The following APOBEC1 variants were observed in gnomAD, a reference collection of about 807,000 sequenced individuals.
The protein encoded by APOBEC1 is C->U-editing enzyme APOBEC-1.
In APOBEC1, 22 loss-of-function variants were observed where a neutral mutation model predicts 26.3. The ratio of observed to expected loss-of-function variants is 0.84; its 90% CI spans 0.60 to 1.19. APOBEC1 has a LOEUF of 1.19. Ranked by LOEUF, APOBEC1 falls within the 50% of genes most tolerant of loss-of-function variation. The pLI is 0.00. For synonymous variants in APOBEC1, 77 were observed against 95.3 expected, an observed-to-expected ratio of 0.81 and a Z score of 1.12; for missense variants, 253 against 289.0, an observed-to-expected ratio of 0.88 and a Z score of 0.90.
upstream of APOBEC1, among the ~76,000 whole-genome samples, chr12:7,668,778 G>T (rs1210663006): frequency 6.6e-6 from 1 of 151,930 alleles, no homozygotes; most frequent in South Asian, 2.1e-4. Context: ...GCCCAGGCTG[G>T]AGTGCAGTGG....
At chr12:7,661,677 C>G (rs1256001269) in intron 1 of APOBEC1, among the ~76,000 whole-genome samples, 1 of 152,182 alleles carries the variant, frequency 6.6e-6, no homozygotes, top group Non-Finnish European at 1.5e-5. Flanking sequence ...CAGGCTCCAA[C>G]TGGAGCCAAG....
Position 7,652,648 on chromosome 12 carries a change from G to A in APOBEC1, c.232C>T (p.Pro78Ser). The A allele has an allele frequency of 6.2e-7, 1 of 1,614,102 alleles. No homozygotes were observed. The highest frequency in any genetic ancestry group is 1.1e-5 in the South Asian group (1 of 91,074). ...CAGGTGATGGAGCAGCTCATGGATG[G>A]GTGAAAATCTCTTTCTGACGTAAAT... ...KKFTSERDFH[P>S]SMSCSITWFL... Residue 78 changes from proline to serine, a missense_variant, in exon 3 of 5, where the codon CCA becomes TCA. Pro to Ser is a moderately conservative substitution (Grantham distance 74). Coordinates refer to ENST00000229304, the MANE Select transcript of APOBEC1 (RefSeq NM_001644.5).
chr12:7,650,017 A>G (rs1436301210), intron 4 of APOBEC1, among the ~76,000 whole-genome samples: 2 of 152,018 alleles, frequency 1.3e-5, no homozygotes, highest in African/African-American at 4.8e-5. Context: ...TGGTTTCGCC[A>G]TGTTGCCCAG....
intron 4 of APOBEC1, among the ~76,000 whole-genome samples, chr12:7,650,354 T>A (rs1470823571): frequency 6.6e-6 from 1 of 152,140 alleles, no homozygotes; most frequent in African/African-American, 2.4e-5. Context: ...AGGCTGTGGG[T>A]TGCTGTGATG....
intron 4 of APOBEC1, among the ~76,000 whole-genome samples, chr12:7,650,070 G>A (rs1343044226): frequency 1.3e-5 from 2 of 152,054 alleles, no homozygotes; most frequent in Admixed American, 6.6e-5. Context: ...ACTCCCCTCT[G>A]CCTCCCAAAG....
chr12:7,652,481 G>A lies in APOBEC1; in HGVS notation c.399C>T (p.Asp133=), dbSNP rs1592057160. ...MDQQNRQGLR[D]LVNSGVTIQI... Reference sequence around the variant, plus strand: ...GAATAGTTACTCCACTGTTAACAAGGTCCCTGAGACCTTGCCGATTTTGTT... The same window carrying A: ...GAATAGTTACTCCACTGTTAACAAGATCCCTGAGACCTTGCCGATTTTGTT... The change falls in exon 3 of 5, where the codon GAC becomes GAT. Residue 133 remains aspartate, a synonymous_variant. Coordinates refer to ENST00000229304, the MANE Select transcript of APOBEC1 (RefSeq NM_001644.5). The A allele has an allele frequency of 6.8e-6, 11 of 1,613,870 alleles. No individual in the cohort carries two copies. The East Asian group carries it at 2.5e-4, about 36-fold the overall frequency.
At chr12:7,667,191 C>G (rs527732026), upstream of APOBEC1, among the ~76,000 whole-genome samples, 1 of 152,092 alleles carries the variant, frequency 6.6e-6, no homozygotes, top group African/African-American at 2.4e-5. Flanking sequence ...GGATTACAGG[C>G]GTGAGCCACC....
At chr12:7,666,815 G>A (rs1425711503), upstream of APOBEC1, among the ~76,000 whole-genome samples, 1 of 151,988 alleles carries the variant, frequency 6.6e-6, no homozygotes, top group Non-Finnish European at 1.5e-5. Flanking sequence ...AAATGAGAAG[G>A]ACCTTGGCCT....
chr12:7,652,644 G>A lies in APOBEC1; in HGVS notation c.236C>T (p.Ser79Phe), dbSNP rs1031583159. ...KFTSERDFHP[S>F]MSCSITWFLS... ...GAACCAGGTGATGGAGCAGCTCATG[G>A]ATGGGTGAAAATCTCTTTCTGACGT... Residue 79 changes from serine (S) to phenylalanine (F), a missense_variant, in exon 3 of 5, where the codon TCC (serine) becomes TTC (phenylalanine). Physicochemically the swap from Ser to Phe is radical, Grantham distance 155. Transcript: ENST00000229304. 3 of 1,614,020 alleles carry A rather than the reference G, an allele frequency of 1.9e-6. No homozygotes were observed. Among genetic ancestry groups the A allele is most frequent in the African/African-American group, 2.7e-5 (2 of 74,932 alleles).
At chr12:7,668,049 A>C (rs1183702128), upstream of APOBEC1, among the ~76,000 whole-genome samples, 1 of 152,184 alleles carries the variant, frequency 6.6e-6, no homozygotes, top group Non-Finnish European at 1.5e-5. Context: ...TGAGATGAGA[A>C]GACAATCCTG....
intron 1 of APOBEC1, 150 bp downstream of exon 1, chr12:7,665,707 A>G: frequency 1.3e-6 from 1 of 793,200 alleles, no homozygotes; most frequent in Admixed American, 1.9e-5. Flanking sequence ...ATATTAATCA[A>G]TAATAGGGAA....
intron 1 of APOBEC1, among the ~76,000 whole-genome samples, chr12:7,656,136 C>T (rs1863711967): frequency 6.6e-6 from 1 of 151,584 alleles, no homozygotes; most frequent in Admixed American, 6.6e-5. Flanking sequence ...CATGCCTAGG[C>T]CAAATTTTTT....
chr12:7,661,650 A>T (rs1291742808), intron 1 of APOBEC1, among the ~76,000 whole-genome samples: 1 of 152,212 alleles, frequency 6.6e-6, no homozygotes, highest in Admixed American at 6.5e-5. Flanking sequence ...GATCCTATTG[A>T]ACCAGCAAAA....
At chr12:7,665,080 A>C (rs1241539776) in intron 1 of APOBEC1, among the ~76,000 whole-genome samples, 2 of 152,112 alleles carry the variant, frequency 1.3e-5, no homozygotes, top group Admixed American at 1.3e-4. Context: ...TTTTAGGTCT[A>C]CACTTCTCTT....
upstream of APOBEC1, among the ~76,000 whole-genome samples, chr12:7,670,503 C>T (rs1727614043): frequency 2.2e-5 from 3 of 139,436 alleles, 1 homozygote; most frequent in South Asian, 7.3e-4. Flanking sequence ...ACCTGCAATC[C>T]CAGCACTTTG....
chr12:7,666,447 C>T (rs1295666889), upstream of APOBEC1, among the ~76,000 whole-genome samples: 1 of 152,006 alleles, frequency 6.6e-6, no homozygotes, highest in African/African-American at 2.4e-5. Context: ...GCGCCCAACA[C>T]CACGCCCGGC....
intron 2 of APOBEC1, 80 bp from the exon 3 acceptor site, chr12:7,652,915 T>TTTTTA (rs1555093598): frequency 1.3e-5 from 11 of 860,024 alleles, no homozygotes; most frequent in African/African-American, 7.7e-5. Context: ...CCCTCTTCTT[T>TTTTTA]TTTTATTTTA....
chr12:7,668,453 G>A (rs1452468207), upstream of APOBEC1, among the ~76,000 whole-genome samples: 1 of 152,188 alleles, frequency 6.6e-6, no homozygotes, highest in African/African-American at 2.4e-5. Context: ...CCAAGAGGGT[G>A]CAAAACTTGG....
upstream of APOBEC1, among the ~76,000 whole-genome samples, chr12:7,668,904 G>T (rs945655264): frequency 6.6e-6 from 1 of 152,012 alleles, no homozygotes; most frequent in Non-Finnish European, 1.5e-5. Flanking sequence ...GCTAATTTTT[G>T]TACTTTTAGT....
Sources: allele counts gnomAD v4.1 joint callset (sites outside exome capture counted in the v4.1 genomes callset), GRCh38; gene constraint gnomAD v4.1.1; transcripts MANE v1.5; gene names NCBI Gene and HGNC (gene_info 2026-07-23, HGNC 2026-07-21).